Variants in ANKRD36B observed in about 807,000 individuals in gnomAD.
ANKRD36B encodes ankyrin repeat domain 36B.
In ANKRD36B, 37 loss-of-function variants were observed where a neutral mutation model predicts 135.7. The observed-to-expected ratio is 0.27, with a 90% CI of 0.21 to 0.36. The LOEUF (loss-of-function observed/expected upper bound fraction) is 0.36, where lower values mean the gene tolerates loss of function less well. Ranked by LOEUF, ANKRD36B falls within the 10% of genes least tolerant of loss-of-function variation. ANKRD36B has a pLI of 1.00. For synonymous variants in ANKRD36B, 179 were observed against 348.1 expected, an observed-to-expected ratio of 0.51 and a Z score of 5.41; for missense variants, 549 against 1,037.1, an observed-to-expected ratio of 0.53 and a Z score of 6.46.
chr2:97,573,159 C>T (rs1480845276), intron 6 of ANKRD36B, among the ~76,000 whole-genome samples: 15 of 152,044 alleles, frequency 9.9e-5, no homozygotes, highest in East Asian at 5.8e-4. Flanking sequence ...TGACAACATG[C>T]GGTGTTTCGT....
In ANKRD36B at chr2:97,557,560, G is replaced by C. The variant is rs1206946458; in HGVS notation, c.968-428C>G. Among the ~76,000 whole-genome samples the C allele has an allele frequency of 2.6e-5, 4 of 151,844 alleles. No individual in the cohort carries two copies. In the East Asian group the frequency reaches 7.7e-4, roughly 29 times the overall value. On this transcript the variant is annotated intron_variant, in intron 10 of 43. Coordinates refer to ENST00000359901, the MANE Select transcript of ANKRD36B (RefSeq NM_001393939.1). ...CCATTATGCTGCAAGTATTCATCACGCTCTTTAACTTGCCTGGTAATTGAG... is the reference window on the plus strand; with the variant it reads ...CCATTATGCTGCAAGTATTCATCACCCTCTTTAACTTGCCTGGTAATTGAG...
At chr2:97,525,870 C>G (rs2078178456) in intron 35 of ANKRD36B, among the ~76,000 whole-genome samples, 2 of 98,258 alleles carry the variant, frequency 2.0e-5, no homozygotes, top group South Asian at 4.7e-4. Context: ...TGCCATTGCC[C>G]AGGCTTGCTT....
intron 5 of ANKRD36B, among the ~76,000 whole-genome samples, chr2:97,578,515 G>A (rs1300746726): frequency 6.6e-6 from 1 of 151,942 alleles, no homozygotes; most frequent in Non-Finnish European, 1.5e-5. Flanking sequence ...TATAGTAGAT[G>A]GTCCCCAGTA....
At chr2:97,560,769 T>G (rs369923997) in intron 7 of ANKRD36B, 32 bp from the exon 8 acceptor site, 2 of 1,595,324 alleles carry the variant, frequency 1.3e-6, no homozygotes, top group Admixed American at 1.7e-5. Flanking sequence ...ATAATCAATA[T>G]GTAAAGTAGG....
chr2:97,552,217 G>A (rs1206797802), intron 16 of ANKRD36B, among the ~76,000 whole-genome samples: 1 of 151,832 alleles, frequency 6.6e-6, no homozygotes, highest in East Asian at 1.9e-4. Context: ...AAATAAATCT[G>A]CTACAAGCAT....
At chr2:97,551,887 T>C (rs1464647983) in intron 16 of ANKRD36B, among the ~76,000 whole-genome samples, 1 of 151,946 alleles carries the variant, frequency 6.6e-6, no homozygotes, top group Non-Finnish European at 1.5e-5. Context: ...TACACCATTA[T>C]AATACAAACA....
Position 97,514,870 on chromosome 2 carries a change from T to C in ANKRD36B, c.2621+862A>G, listed in dbSNP as rs1823321. Among the ~76,000 whole-genome samples, 664 of 82,714 alleles carry C rather than the reference T, an allele frequency of 8.0e-3. 15 individuals carry two copies. Among genetic ancestry groups the C allele is most frequent in the Middle Eastern group, 0.012 (2 of 170 alleles). 54.3% of individuals were successfully genotyped at this position (82,714 alleles called of 152,430 possible). On this transcript the variant is annotated intron_variant, in intron 37 of 43. Transcript: ENST00000359901. The stretch of plus-strand genomic sequence containing the variant: ...AGTAATCACTTTACATTTTACTTTT[T>C]ATTCCCTGCATATTAAGAATAAAAC...
At position 97,549,619 on chromosome 2, in the gene ANKRD36B, A is replaced by G. The variant is rs1487687622; in HGVS notation, c.1376-5T>C. On this transcript the variant is annotated splice_polypyrimidine_tract_variant and splice_region_variant and intron_variant, in intron 18 of 43. Transcript: ENST00000359901. ...CTGGTGGTTTCTGAGAAGACACTGA[A>G]AAGCAAAAGGGATTCATAATCACTC... is the stretch of plus-strand genomic sequence containing the variant. The G allele has an allele frequency of 4.4e-6, 7 of 1,608,174 alleles. No individual in the cohort carries two copies. The highest frequency in any genetic ancestry group is 5.9e-6 in the Non-Finnish European group (7 of 1,177,876).
At position 97,561,159 on chromosome 2, in the gene ANKRD36B, G is replaced by C. The variant is rs1258330778; in HGVS notation, c.764-299C>G. On this transcript the variant is annotated intron_variant, in intron 6 of 43. Coordinates refer to ENST00000359901, the MANE Select transcript of ANKRD36B (RefSeq NM_001393939.1). Reference sequence around the variant, plus strand: ...TCAATGTGGATATGCTGAGTGATGAGGACAAATGTGATCTAAAATCAGAGT... The same window carrying C: ...TCAATGTGGATATGCTGAGTGATGACGACAAATGTGATCTAAAATCAGAGT... 3.3e-5 allele frequency among the ~76,000 whole-genome samples: 5 copies of C among 151,940 alleles called. No individual in the cohort carries two copies. In the East Asian group the frequency reaches 9.7e-4, roughly 29 times the overall value.
At chr2:97,563,951 C>A (rs1047132568) in intron 6 of ANKRD36B, among the ~76,000 whole-genome samples, 1 of 151,596 alleles carries the variant, frequency 6.6e-6, no homozygotes, top group East Asian at 1.9e-4. Context: ...TTAGATCATA[C>A]AATAAATCAA....
intron 16 of ANKRD36B, among the ~76,000 whole-genome samples, chr2:97,552,907 A>T (rs1258903520): frequency 6.6e-6 from 1 of 151,852 alleles, no homozygotes; most frequent in Admixed American, 6.6e-5. Flanking sequence ...AGAGCCCCTT[A>T]TGTCTTGAAC....
chr2:97,524,789 T>A lies in ANKRD36B; in HGVS notation c.2266-1322A>T, dbSNP rs1197331593. On this transcript the variant is annotated intron_variant, in intron 35 of 43. Coordinates refer to ENST00000359901, the MANE Select transcript of ANKRD36B (RefSeq NM_001393939.1). ...AACTTATTTGTGATGAATTTTAAAGTTTTTTTACCCTAATTTGTCTTGTTT... is the reference window on the plus strand; with the variant it reads ...AACTTATTTGTGATGAATTTTAAAGATTTTTTACCCTAATTTGTCTTGTTT... 4 of 97,416 alleles carry A rather than the reference T, an allele frequency of 4.1e-5. 2 individuals carry two copies. Among genetic ancestry groups the A allele is most frequent in the African/African-American group, 1.2e-4 (4 of 32,486 alleles). 6.0% of individuals were successfully genotyped at this position (97,416 alleles called of 1,614,324 possible).
chr2:97,532,724 CAAAA>C (rs565689864), intron 34 of ANKRD36B, among the ~76,000 whole-genome samples: 2 of 37,960 alleles, frequency 5.3e-5, no homozygotes, highest in Non-Finnish European at 8.0e-5. Flanking sequence ...GACTGTGTCT[CAAAA>C]AAAAAAAAAA....
chr2:97,551,684 A>G (rs2080085228), intron 16 of ANKRD36B, among the ~76,000 whole-genome samples: 1 of 151,926 alleles, frequency 6.6e-6, no homozygotes, highest in South Asian at 2.1e-4. Context: ...ATACCCCTGC[A>G]ATTTCAAACA....
At chr2:97,538,441 T>C in intron 30 of ANKRD36B, 78 bp from the exon 31 acceptor site, 1 of 818,126 alleles carries the variant, frequency 1.2e-6, no homozygotes, top group South Asian at 1.4e-5. Context: ...AGTGTTAGCA[T>C]CAAGCTGTAT....
At chr2:97,549,718 A>G in intron 18 of ANKRD36B, 104 bp from the exon 19 acceptor site, 1 of 1,577,660 alleles carries the variant, frequency 6.3e-7, no homozygotes, top group Non-Finnish European at 8.6e-7. Context: ...TGCCTGTATT[A>G]GCGTAGGCTT....
chr2:97,557,186 C>G, intron 10 of ANKRD36B, 54 bp from the exon 11 acceptor site: 1 of 1,494,424 alleles, frequency 6.7e-7, no homozygotes, highest in Non-Finnish European at 9.0e-7. Flanking sequence ...ACAAAGTCGT[C>G]CATACATTCA....
intron 6 of ANKRD36B, among the ~76,000 whole-genome samples, chr2:97,564,629 T>C (rs569217363): frequency 2.9e-4 from 44 of 152,288 alleles, no homozygotes; most frequent in Non-Finnish European, 5.9e-4. Context: ...ATTTATTAAA[T>C]AGGGAATCCT....
At chr2:97,582,694 A>G (rs962539257) in intron 3 of ANKRD36B, among the ~76,000 whole-genome samples, 2 of 152,180 alleles carry the variant, frequency 1.3e-5, no homozygotes, top group Non-Finnish European at 2.9e-5. Context: ...TATATTTGCT[A>G]TGGATATGTC....
Sources: allele counts gnomAD v4.1 joint callset (sites outside exome capture counted in the v4.1 genomes callset), GRCh38; gene constraint gnomAD v4.1.1; transcripts MANE v1.5; gene names NCBI Gene and HGNC (gene_info 2026-07-23, HGNC 2026-07-21).